The following SSBP2 variants were observed in gnomAD, a reference collection of about 807,000 sequenced individuals.
SSBP2 encodes the protein single stranded DNA binding protein 2.
SSBP2 carries 17 observed loss-of-function variants against 61.8 expected under a neutral mutation model. That is an observed-to-expected ratio of 0.28 (90% confidence interval 0.19 to 0.41). The LOEUF (loss-of-function observed/expected upper bound fraction) is 0.41. Among genes scored for constraint, SSBP2 ranks in the 10% least tolerant of loss-of-function variants. The probability of loss-of-function intolerance (pLI) is 1.00; values close to 1 mark genes in which losing one functional copy is unlikely to be tolerated. For synonymous variants in SSBP2, 139 were observed against 141.3 expected (o/e 0.98, Z 0.12); for missense variants, 310 against 458.7 (o/e 0.68, Z 2.96).
intron 4 of SSBP2, among the ~76,000 whole-genome samples, chr5:81,599,105 G>C (rs920067052): frequency 7.2e-5 from 11 of 152,070 alleles, no homozygotes; most frequent in Non-Finnish European, 1.5e-4. Context: ...TTGGCATTTG[G>C]GGATGTATAG....
intron 1 of SSBP2, among the ~76,000 whole-genome samples, chr5:81,742,543 T>C (rs536204557): frequency 1.3e-5 from 2 of 152,288 alleles, no homozygotes; most frequent in Non-Finnish European, 2.9e-5. Flanking sequence ...TCCTTGCTCT[T>C]ATGGAGCTTC....
chr5:81,481,175 TTGA>T (rs1426962072), intron 6 of SSBP2, among the ~76,000 whole-genome samples: 2 of 152,214 alleles, frequency 1.3e-5, no homozygotes. Flanking sequence ...CCCATTAATG[TTGA>T]TATTTTGACC....
At position 81,531,582 on chromosome 5, in the gene SSBP2, T is replaced by C. The variant is rs1404596955; in HGVS notation, c.283-17865A>G. Among the ~76,000 whole-genome samples, 4 of 152,078 alleles carry C rather than the reference T, an allele frequency of 2.6e-5. No individual in the cohort carries two copies. In the South Asian group the frequency reaches 8.3e-4, roughly 31 times the overall value. On this transcript the variant is annotated intron_variant, in intron 4 of 16. Transcript: ENST00000320672. ...TAACCAGGCAAAAATGGAATGCTTATTGTGAGGCTTCAGTGTGGAAGCTAG... is the reference window on the plus strand; with the variant it reads ...TAACCAGGCAAAAATGGAATGCTTACTGTGAGGCTTCAGTGTGGAAGCTAG...
At chr5:81,728,095 A>G (rs1185507004) in intron 1 of SSBP2, among the ~76,000 whole-genome samples, 1 of 152,228 alleles carries the variant, frequency 6.6e-6, no homozygotes, top group Admixed American at 6.5e-5. Flanking sequence ...TGTCTGCAGA[A>G]TTAGGCAAGG....
chr5:81,523,946 T>C lies in SSBP2; in HGVS notation c.283-10229A>G, dbSNP rs1213836469. 3.3e-5 allele frequency among the ~76,000 whole-genome samples: 5 copies of C among 152,168 alleles called. No homozygotes were observed. The East Asian group carries it at 9.7e-4, about 29-fold the overall frequency. ...AGTTGTAAACCATTATATATTCTGG[T>C]CATTCCCTACTTTCTCCTTTTTGAC... On this transcript the variant is annotated intron_variant, in intron 4 of 16. Transcript: ENST00000320672.
intron 14 of SSBP2, among the ~76,000 whole-genome samples, chr5:81,440,120 A>C (rs527542493): frequency 6.6e-6 from 1 of 152,276 alleles, no homozygotes; most frequent in South Asian, 2.1e-4. Flanking sequence ...TAAAAATCCA[A>C]AAACAAAATT....
chr5:81,653,750 A>C (rs907187297), intron 1 of SSBP2, among the ~76,000 whole-genome samples: 3 of 152,102 alleles, frequency 2.0e-5, no homozygotes, highest in African/African-American at 7.2e-5. Context: ...TCTTCTTTTG[A>C]GAAGTAACTG....
chr5:81,612,044 T>C (rs1745503537), intron 4 of SSBP2, among the ~76,000 whole-genome samples: 1 of 152,136 alleles, frequency 6.6e-6, no homozygotes, highest in South Asian at 2.1e-4. Flanking sequence ...GGGAGAACTT[T>C]TGGAGGTGAC....
chr5:81,591,254 G>T (rs1775477188), intron 4 of SSBP2, among the ~76,000 whole-genome samples: 1 of 152,160 alleles, frequency 6.6e-6, no homozygotes, highest in Non-Finnish European at 1.5e-5. Context: ...GCCCAGCTCA[G>T]CCCTTGACTA....
chr5:81,503,650 A>G (rs1012161318), intron 5 of SSBP2, among the ~76,000 whole-genome samples: 15 of 152,230 alleles, frequency 9.9e-5, no homozygotes, highest in African/African-American at 3.4e-4. Context: ...AAAGGAATAT[A>G]AACTATTCTA....
chr5:81,647,882 T>A (rs1032194646), intron 2 of SSBP2, among the ~76,000 whole-genome samples: 1 of 152,156 alleles, frequency 6.6e-6, no homozygotes, highest in Admixed American at 6.6e-5. Flanking sequence ...GTTATTTGCT[T>A]AATCCACATA....
chr5:81,480,611 G>A (rs1313206607), intron 6 of SSBP2, among the ~76,000 whole-genome samples: 1 of 152,100 alleles, frequency 6.6e-6, no homozygotes. Context: ...TTATCATATT[G>A]CCCAGGCTGG....
At chr5:81,531,830 A>T (rs1770433803) in intron 4 of SSBP2, among the ~76,000 whole-genome samples, 1 of 152,098 alleles carries the variant, frequency 6.6e-6, no homozygotes, top group African/African-American at 2.4e-5. Context: ...CTAAGGCTAG[A>T]GCAAGAGGTA....
chr5:81,574,947 A>G (rs1371859876), intron 4 of SSBP2, among the ~76,000 whole-genome samples: 1 of 152,166 alleles, frequency 6.6e-6, no homozygotes, highest in Non-Finnish European at 1.5e-5. Context: ...ACTGAAGTGT[A>G]CTCTTCAGAA....
intron 1 of SSBP2, among the ~76,000 whole-genome samples, chr5:81,734,326 T>C (rs942285114): frequency 6.6e-6 from 1 of 152,316 alleles, no homozygotes; most frequent in Admixed American, 6.5e-5. Flanking sequence ...ATCTTTAATA[T>C]CTTAAAGGGC....
chr5:81,662,124 T>C (rs922693572), intron 1 of SSBP2, among the ~76,000 whole-genome samples: 5 of 152,188 alleles, frequency 3.3e-5, no homozygotes, highest in Admixed American at 6.5e-5. Context: ...GCCTAATCTA[T>C]GAATTTTAAA....
chr5:81,629,096 C>A (rs939125949), intron 3 of SSBP2, among the ~76,000 whole-genome samples: 1 of 152,142 alleles, frequency 6.6e-6, no homozygotes, highest in African/African-American at 2.4e-5. Context: ...AAGCGATTCA[C>A]CCACCTCAGC....
Position 81,739,639 on chromosome 5 carries a change from G to A in SSBP2, c.62+11342C>T, listed in dbSNP as rs1056660539. 2.7e-4 allele frequency among the ~76,000 whole-genome samples: 41 copies of A among 152,044 alleles called. No homozygotes were observed. In the South Asian group the frequency reaches 3.5e-3, roughly 13 times the overall value. ...CAACAGAGGCTGACATATAACAGACGGTTAACATTTTTTTAATGAATAACG... is the reference window on the plus strand; with the variant it reads ...CAACAGAGGCTGACATATAACAGACAGTTAACATTTTTTTAATGAATAACG... On this transcript the variant is annotated intron_variant, in intron 1 of 16. Coordinates refer to ENST00000320672, the MANE Select transcript of SSBP2 (RefSeq NM_012446.5).
At chr5:81,678,804 A>G (rs1483880799) in intron 1 of SSBP2, among the ~76,000 whole-genome samples, 1 of 152,138 alleles carries the variant, frequency 6.6e-6, no homozygotes, top group Non-Finnish European at 1.5e-5. Context: ...CAAACCTAGA[A>G]TTCTATATCC....
Sources: gnomAD v4.1 joint callset for allele counts (sites outside exome capture counted in the v4.1 genomes callset) on GRCh38, gnomAD v4.1.1 for gene constraint, MANE v1.5 for transcripts, NCBI Gene and HGNC (gene_info 2026-07-23, HGNC 2026-07-21) for gene names.